ERC2: variants seen among roughly 807,000 people sequenced by gnomAD.
The protein encoded by ERC2 is ERC protein 2.
In ERC2, 42 loss-of-function variants were observed where a neutral mutation model predicts 114.8. The observed-to-expected ratio is 0.37, with a 90% CI of 0.29 to 0.47. The LOEUF is 0.47. Ranked by LOEUF, ERC2 falls within the 20% of genes least tolerant of loss-of-function variation. ERC2 has a pLI of 0.99. For missense variants in ERC2, 939 were observed against 1,150.7 expected (o/e 0.82, Z 2.66); for synonymous variants, 454 against 425.5 (o/e 1.07, Z -0.82).
intron 12 of ERC2, among the ~76,000 whole-genome samples, chr3:55,973,084 A>C (rs920201192): frequency 2.6e-5 from 4 of 152,172 alleles, no homozygotes; most frequent in African/African-American, 9.7e-5. Flanking sequence ...TATTCTGCCC[A>C]TCCTGCGAGG....
intron 3 of ERC2, among the ~76,000 whole-genome samples, chr3:56,215,290 G>A (rs1430578883): frequency 2.0e-5 from 3 of 152,114 alleles, no homozygotes; most frequent in East Asian, 1.9e-4. Context: ...ATAAAGGGAT[G>A]GAGGAAGATC....
At chr3:55,799,815 C>T (rs374119294) in intron 14 of ERC2, among the ~76,000 whole-genome samples, 2 of 151,998 alleles carry the variant, frequency 1.3e-5, no homozygotes, top group Non-Finnish European at 2.9e-5. Flanking sequence ...AATTAGAAAC[C>T]GAGACTGTCC....
intron 6 of ERC2, among the ~76,000 whole-genome samples, chr3:56,115,628 G>A (rs1519033): frequency 0.93 from 141,364 of 152,164 alleles, 65,850 homozygotes; most frequent in East Asian, 1. Flanking sequence ...TTAATTCCCA[G>A]AGAAACAATT....
intron 14 of ERC2, among the ~76,000 whole-genome samples, chr3:55,812,885 T>C (rs1193521030): frequency 6.6e-6 from 1 of 152,256 alleles, no homozygotes; most frequent in African/African-American, 2.4e-5. Context: ...GTGTCTTGCA[T>C]GCTGCCTGGA....
At chr3:56,273,999 A>G (rs1275393745) in intron 3 of ERC2, among the ~76,000 whole-genome samples, 1 of 152,212 alleles carries the variant, frequency 6.6e-6, no homozygotes, top group Non-Finnish European at 1.5e-5. Flanking sequence ...GATAAATCAC[A>G]GTTGTCTCTT....
intron 14 of ERC2, among the ~76,000 whole-genome samples, chr3:55,810,756 G>A (rs574471198): frequency 2.0e-5 from 3 of 152,190 alleles, no homozygotes; most frequent in African/African-American, 7.2e-5. Context: ...CACCACACTT[G>A]GCCTAGAATA....
chr3:55,801,457 G>GA (rs1559677813), intron 14 of ERC2, among the ~76,000 whole-genome samples: 1 of 152,166 alleles, frequency 6.6e-6, no homozygotes, highest in East Asian at 1.9e-4. Flanking sequence ...AATTTCTATG[G>GA]AAAACCAAGA....
intron 2 of ERC2, among the ~76,000 whole-genome samples, chr3:56,345,745 C>A (rs923693659): frequency 6.6e-6 from 1 of 152,110 alleles, no homozygotes; most frequent in South Asian, 2.1e-4. Context: ...TTGAGGTTTC[C>A]GCTGTCTTGG....
At chr3:55,721,688 G>A (rs1433767897) in intron 15 of ERC2, among the ~76,000 whole-genome samples, 11 of 152,206 alleles carry the variant, frequency 7.2e-5, no homozygotes. Context: ...GCTCCCCTGG[G>A]GAGGTGGGTT....
intron 2 of ERC2, among the ~76,000 whole-genome samples, chr3:56,335,992 A>G (rs891958126): frequency 5.3e-5 from 8 of 152,216 alleles, no homozygotes; most frequent in African/African-American, 1.9e-4. Flanking sequence ...GTAAATAACA[A>G]GAAGTATCTA....
chr3:55,695,155 T>C (rs1278994366), intron 16 of ERC2, among the ~76,000 whole-genome samples: 10 of 152,240 alleles, frequency 6.6e-5, no homozygotes, highest in Admixed American at 6.5e-4. Context: ...GCTGAATTTC[T>C]ACTTGGCTTT....
chr3:56,057,060 TC>T (rs1273499871), intron 7 of ERC2, among the ~76,000 whole-genome samples: 2 of 152,102 alleles, frequency 1.3e-5, no homozygotes, highest in Non-Finnish European at 2.9e-5. Flanking sequence ...TCCTCCCATT[TC>T]CCCAATAAGA....
intron 14 of ERC2, among the ~76,000 whole-genome samples, chr3:55,777,082 A>AT (rs1416739150): frequency 6.6e-6 from 1 of 151,998 alleles, no homozygotes; most frequent in African/African-American, 2.4e-5. Flanking sequence ...TACATAAAAA[A>AT]AAAATAATAA....
At position 56,111,421 on chromosome 3, in the gene ERC2, C is replaced by G. The variant is rs190956728; in HGVS notation, c.1473+28088G>C. 1.7e-3 allele frequency among the ~76,000 whole-genome samples: 253 copies of G among 151,734 alleles called. 1 individual carries two copies. The highest frequency in any genetic ancestry group is 3.0e-3 in the Non-Finnish European group (201 of 67,922). ...TCTCTCTCTCTCAGTTCTATCCCCC[C>G]CTCTCTCTCACCAGCTCCAAGAGTG... is the stretch of plus-strand genomic sequence containing the variant. On this transcript the variant is annotated intron_variant, in intron 6 of 17. Transcript: ENST00000288221.
chr3:55,548,239 T>G (rs2054897421), intron 17 of ERC2, among the ~76,000 whole-genome samples: 1 of 152,256 alleles, frequency 6.6e-6, no homozygotes, highest in South Asian at 2.1e-4. Flanking sequence ...ACATGCCACA[T>G]GGGCAATGCC....
chr3:55,784,478 C>T (rs576062214), intron 14 of ERC2, among the ~76,000 whole-genome samples: 67 of 152,314 alleles, frequency 4.4e-4, no homozygotes, highest in African/African-American at 1.5e-3. Context: ...CCAAACCAGT[C>T]ATATCAACAA....
intron 3 of ERC2, among the ~76,000 whole-genome samples, chr3:56,295,337 A>G (rs1018762288): frequency 2.6e-5 from 4 of 152,126 alleles, no homozygotes; most frequent in African/African-American, 7.2e-5. Context: ...AGTCATCCAC[A>G]TTTTTTCTAA....
intron 13 of ERC2, among the ~76,000 whole-genome samples, chr3:55,933,539 G>T (rs2066252142): frequency 6.6e-6 from 1 of 152,188 alleles, no homozygotes; most frequent in South Asian, 2.1e-4. Flanking sequence ...TGGTTTTGTG[G>T]CTGCCTTTGC....
chr3:55,863,817 T>C (rs1376511350), intron 14 of ERC2, among the ~76,000 whole-genome samples: 1 of 152,066 alleles, frequency 6.6e-6, no homozygotes, highest in Admixed American at 6.6e-5. Flanking sequence ...CTATTCTTTT[T>C]TCACACTAAG....
Sources: allele counts gnomAD v4.1 joint callset (sites outside exome capture counted in the v4.1 genomes callset), GRCh38; gene constraint gnomAD v4.1.1; transcripts MANE v1.5; gene names NCBI Gene and HGNC (gene_info 2026-07-23, HGNC 2026-07-21).